ZNF608: variants seen among roughly 807,000 people sequenced by gnomAD.
ZNF608 encodes renal carcinoma antigen NY-REN-36.
ZNF608 carries 12 observed loss-of-function variants against 109.0 expected under a neutral mutation model. That is an observed-to-expected ratio of 0.11 (90% CI 0.07 to 0.18). The LOEUF (loss-of-function observed/expected upper bound fraction) is 0.18, where lower values mean the gene tolerates loss of function less well. ZNF608 is among the 10% of genes least tolerant of loss of function. ZNF608 has a pLI of 1.00. For missense variants in ZNF608, 1,707 were observed against 1,879.3 expected, an observed-to-expected ratio of 0.91 and a Z score of 1.70; for synonymous variants, 732 against 717.4, an observed-to-expected ratio of 1.02 and a Z score of -0.33.
At chr5:124,639,273 G>T (rs1315212056) in intron 8 of ZNF608, 59 bp from the exon 9 acceptor site, 4 of 1,503,948 alleles carry the variant, frequency 2.7e-6, no homozygotes, top group African/African-American at 1.4e-5. Context: ...GTAGATACAG[G>T]CCCAGTGGAG....
intron 3 of ZNF608, among the ~76,000 whole-genome samples, chr5:124,673,529 AT>A (rs1458491651): frequency 6.6e-6 from 1 of 152,072 alleles, no homozygotes; most frequent in Non-Finnish European, 1.5e-5. Context: ...ACATAATAGA[AT>A]TCGATAGATT....
At chr5:124,649,202 C>T in intron 4 of ZNF608, 69 bp from the exon 5 acceptor site, 1 of 1,346,938 alleles carries the variant, frequency 7.4e-7, no homozygotes, top group Non-Finnish European at 1.0e-6. Context: ...ACAAAGTACA[C>T]AATGCAGTAA....
At chr5:124,738,927 A>T (rs910636147) in intron 2 of ZNF608, among the ~76,000 whole-genome samples, 3 of 152,222 alleles carry the variant, frequency 2.0e-5, no homozygotes, top group Admixed American at 6.5e-5. Context: ...TTAACAAAAA[A>T]CACATTACTT....
intron 2 of ZNF608, among the ~76,000 whole-genome samples, chr5:124,737,553 G>A (rs1200322044): frequency 1.3e-5 from 2 of 152,132 alleles, no homozygotes; most frequent in Admixed American, 6.5e-5. Context: ...TTCACTGGGG[G>A]GAAAAGCCTT....
At chr5:124,685,581 C>T (rs1752377423) in intron 3 of ZNF608, among the ~76,000 whole-genome samples, 1 of 151,740 alleles carries the variant, frequency 6.6e-6, no homozygotes, top group Non-Finnish European at 1.5e-5. Context: ...CCTGACTCTC[C>T]TGATCAGGCG....
intron 2 of ZNF608, among the ~76,000 whole-genome samples, chr5:124,723,973 AAAT>A (rs1754037804): frequency 1.3e-5 from 2 of 152,226 alleles, no homozygotes; most frequent in Non-Finnish European, 2.9e-5. Context: ...ATGCAAATTA[AAAT>A]AATAGATTAC....
chr5:124,717,844 G>C (rs977676692), intron 2 of ZNF608, among the ~76,000 whole-genome samples: 1 of 152,198 alleles, frequency 6.6e-6, no homozygotes, highest in African/African-American at 2.4e-5. Context: ...GGACAGATGG[G>C]GGACTCTGGG....
chr5:124,741,033 G>T (rs534496269), intron 2 of ZNF608, among the ~76,000 whole-genome samples: 2 of 152,150 alleles, frequency 1.3e-5, no homozygotes, highest in African/African-American at 4.8e-5. Flanking sequence ...TGGAGAGGCA[G>T]GTTTTAACAA....
At chr5:124,725,511 TC>T (rs1754102732) in intron 2 of ZNF608, among the ~76,000 whole-genome samples, 2 of 151,946 alleles carry the variant, frequency 1.3e-5, no homozygotes, top group African/African-American at 2.4e-5. Context: ...CTTTTATACC[TC>T]CCCCATTCTA....
chr5:124,705,383 A>G (rs891976515), intron 2 of ZNF608, among the ~76,000 whole-genome samples: 3 of 152,028 alleles, frequency 2.0e-5, no homozygotes, highest in African/African-American at 7.2e-5. Flanking sequence ...CTTCTCTAAG[A>G]CTCAGTGTCT....
intron 3 of ZNF608, among the ~76,000 whole-genome samples, chr5:124,688,001 G>A (rs186975524): frequency 5.5e-4 from 84 of 152,112 alleles, no homozygotes; most frequent in African/African-American, 2.0e-3. Context: ...ATCATGAGAC[G>A]CAAAATGCTT....
intron 3 of ZNF608, among the ~76,000 whole-genome samples, chr5:124,663,043 C>T (rs1751339417): frequency 6.6e-6 from 1 of 152,144 alleles, no homozygotes; most frequent in Non-Finnish European, 1.5e-5. Context: ...AGGTAGAAAC[C>T]TATTATTTCC....
intron 3 of ZNF608, among the ~76,000 whole-genome samples, chr5:124,669,753 C>A (rs7708549): frequency 6.6e-6 from 1 of 151,894 alleles, no homozygotes; most frequent in African/African-American, 2.4e-5. Flanking sequence ...TCCCAAAACT[C>A]GCCAGATGAT....
chr5:124,695,239 A>C (rs1752800948), intron 3 of ZNF608, among the ~76,000 whole-genome samples: 1 of 152,210 alleles, frequency 6.6e-6, no homozygotes, highest in Non-Finnish European at 1.5e-5. Flanking sequence ...TGATAAAGTC[A>C]CTATGATATA....
intron 5 of ZNF608, 46 bp from the exon 6 acceptor site, chr5:124,644,707 A>T: frequency 6.7e-7 from 1 of 1,493,606 alleles, no homozygotes; most frequent in Admixed American, 2.3e-5. Flanking sequence ...GATTTGTTTT[A>T]AAATTTCAAT....
intron 2 of ZNF608, among the ~76,000 whole-genome samples, chr5:124,704,775 T>G (rs1027525045): frequency 1.3e-5 from 2 of 152,066 alleles, no homozygotes; most frequent in Admixed American, 6.6e-5. Context: ...GCTTCCACCC[T>G]CTGCCTGAAA....
In ZNF608 at chr5:124,744,851, T is replaced by C. The variant is rs779267360; in HGVS notation, c.139A>G (p.Lys47Glu). 6.2e-7 allele frequency: 1 copy of C among 1,614,184 alleles called. No individual in the cohort carries two copies. Among genetic ancestry groups the C allele is most frequent in the Admixed American group, 1.7e-5 (1 of 60,030 alleles). The change falls in exon 2 of 10, where the codon AAA (lysine) becomes GAA (glutamate). Residue 47 changes from lysine to glutamate, a missense_variant. By Grantham distance (56) the Lys-to-Glu change is moderately conservative (BLOSUM62 1). Transcript: ENST00000513986. This position sits in a 1 kb window ranked among gnomAD's most constrained non-coding sequence, Gnocchi z 4.5. Reference protein sequence around the residue: ...LDADLEKDRQKFEMNNSTTTT... With the variant: ...LDADLEKDRQEFEMNNSTTTT... ...GTGGTGGAATTATTCATCTCAAATT[T>C]CTGTCTGTCCTTCTCCAAATCAGCG...
At chr5:124,732,061 T>C (rs1250420993) in intron 2 of ZNF608, among the ~76,000 whole-genome samples, 2 of 152,166 alleles carry the variant, frequency 1.3e-5, no homozygotes, top group Admixed American at 1.3e-4. Context: ...AATAGATCTA[T>C]AAAATGAAGC....
chr5:124,733,765 G>A (rs1749018924), intron 2 of ZNF608, among the ~76,000 whole-genome samples: 1 of 152,074 alleles, frequency 6.6e-6, no homozygotes, highest in South Asian at 2.1e-4. Context: ...ACTAGTCATT[G>A]AGTAAGAAGA....
Sources: gnomAD v4.1 joint callset for allele counts (sites outside exome capture counted in the v4.1 genomes callset) on GRCh38, gnomAD v4.1.1 for gene constraint, Gnocchi (gnomAD v3.1) non-coding constraint, MANE v1.5 for transcripts, NCBI Gene and HGNC (gene_info 2026-07-23, HGNC 2026-07-21) for gene names.